The following SIAE variants were observed in gnomAD, a reference collection of about 807,000 sequenced individuals.
The protein encoded by SIAE is sialate O-acetylesterase.
SIAE carries 39 observed loss-of-function variants against 52.6 expected under a neutral mutation model. The observed-to-expected ratio is 0.74, with a 90% CI of 0.57 to 0.97. The LOEUF (loss-of-function observed/expected upper bound fraction) is 0.97, where lower values mean the gene tolerates loss of function less well. SIAE is among the 50% of genes least tolerant of loss of function. The pLI is 0.00. For missense variants in SIAE, 592 were observed against 662.1 expected (o/e 0.89, Z 1.16); for synonymous variants, 233 against 241.4 (o/e 0.97, Z 0.32).
chr11:124,669,881 C>G (rs951408161), intron 1 of SIAE, among the ~76,000 whole-genome samples: 1 of 152,144 alleles, frequency 6.6e-6, no homozygotes, highest in Admixed American at 6.5e-5. Context: ...TCCTTTCATG[C>G]ACCTATAGAT....
chr11:124,653,460 G>A (rs1223690442), intron 4 of SIAE, among the ~76,000 whole-genome samples: 1 of 152,174 alleles, frequency 6.6e-6, no homozygotes, highest in African/African-American at 2.4e-5. Context: ...AGAAGACAGA[G>A]GAGGAGAAGT....
In SIAE at chr11:124,673,684, C is replaced by T. The variant is rs566616753; in HGVS notation, c.25G>A (p.Gly9Arg). 6.2e-7 allele frequency: 1 copy of T among 1,613,632 alleles called. No individual in the cohort carries two copies. Among genetic ancestry groups the T allele is most frequent in the Admixed American group, 1.7e-5 (1 of 60,012 alleles). Residue 9 changes from glycine (G) to arginine (R), a missense_variant, in exon 1 of 10, where the codon GGG (glycine) becomes AGG (arginine). Gly to Arg is a moderately radical substitution (Grantham distance 125, BLOSUM62 -2). Transcript: ENST00000263593. ...CACAGGATTAATGGCAGCACCAGCC[C>T]GAGTACAAGCCCCGGCGCGACCATG... MVAPGLVL[G>R]LVLPLILWAD...
chr11:124,650,413 G>A (rs1943000967), intron 4 of SIAE, among the ~76,000 whole-genome samples: 1 of 152,140 alleles, frequency 6.6e-6, no homozygotes, highest in Admixed American at 6.5e-5. Context: ...AAAGCAAGGA[G>A]GGGGCAACTT....
chr11:124,667,957 C>G (rs1287485646), intron 2 of SIAE, among the ~76,000 whole-genome samples: 1 of 152,202 alleles, frequency 6.6e-6, no homozygotes, highest in South Asian at 2.1e-4. Context: ...AGCCTGCCCA[C>G]CACCTCTATC....
At position 124,670,207 on chromosome 11, in the gene SIAE, G is replaced by C. The variant is rs185397876; in HGVS notation, c.68-686C>G. Reference sequence around the variant, plus strand: ...ACATAAATAAGGTCAGTGAGAGATAGAAGGTCAACATGTCTGAACAAAGGT... The same window carrying C: ...ACATAAATAAGGTCAGTGAGAGATACAAGGTCAACATGTCTGAACAAAGGT... On this transcript the variant is annotated intron_variant, in intron 1 of 9. Transcript: ENST00000263593. This position sits in a 1 kb window ranked among gnomAD's most constrained non-coding sequence, Gnocchi z 4.5. Among the ~76,000 whole-genome samples, 1 of 152,308 alleles carries C rather than the reference G, an allele frequency of 6.6e-6. No individual in the cohort carries two copies. Among genetic ancestry groups the C allele is most frequent in the African/African-American group, 2.4e-5 (1 of 41,564 alleles).
chr11:124,664,739 T>C (rs1046053357), intron 2 of SIAE, among the ~76,000 whole-genome samples: 3 of 152,208 alleles, frequency 2.0e-5, no homozygotes, highest in African/African-American at 7.2e-5. Flanking sequence ...CTTCTTGCCA[T>C]TCATATCAGA....
At chr11:124,667,917 C>T (rs1356999848) in intron 2 of SIAE, among the ~76,000 whole-genome samples, 1 of 152,116 alleles carries the variant, frequency 6.6e-6, no homozygotes, top group African/African-American at 2.4e-5. Context: ...GAGGTCAAAC[C>T]CTCATCATCT....
chr11:124,673,868 T>G, upstream of SIAE: 1 of 579,852 alleles, frequency 1.7e-6, no homozygotes, highest in South Asian at 2.7e-5. Context: ...CCGCCGTAGT[T>G]TTTTTTTTTT....
rs145715586 is a variant in SIAE, at chr11:124,636,890, C to G, written c.*61G>C. ...AAAAGCAATGGTTATTATTGAAACT[C>G]CTAAATGCTAAAATCTGAAGGACCC... On this transcript the variant is annotated 3_prime_UTR_variant, in exon 10 of 10. Coordinates refer to ENST00000263593, the MANE Select transcript of SIAE (RefSeq NM_170601.5). 7.0e-4 allele frequency: 1,125 copies of G among 1,610,734 alleles called. 13 individuals are homozygous for G. The East Asian group carries it at 0.021, about 30-fold the overall frequency.
rs1247388039 is a variant in SIAE at position 124,662,335 on chromosome 11, A to T, written c.230-1532T>A. On this transcript the variant is annotated intron_variant, in intron 2 of 9. Transcript: ENST00000263593. ...CAGGCAGACACTCCAATCTGTCCCA[A>T]CTCCAGGCTTGCCAAGGTCTTTCCA... Among the ~76,000 whole-genome samples, 3 of 152,114 alleles carry T rather than the reference A, an allele frequency of 2.0e-5. No homozygotes were observed. In the East Asian group the frequency reaches 5.8e-4, roughly 29 times the overall value.
chr11:124,643,138 T>C (rs1439483833), intron 7 of SIAE, among the ~76,000 whole-genome samples: 1 of 152,096 alleles, frequency 6.6e-6, no homozygotes, highest in Non-Finnish European at 1.5e-5. Flanking sequence ...TACTCAGCAA[T>C]AGAAAACTAA....
chr11:124,673,706 CATG>C lies in SIAE; in HGVS notation c.-1_2del, dbSNP rs1943411761. On this transcript the variant is annotated start_lost and 5_prime_UTR_variant, in exon 1 of 10. Coordinates refer to ENST00000263593, the MANE Select transcript of SIAE (RefSeq NM_170601.5). ...GCCCGAGTACAAGCCCCGGCGCGAC[CATG>C]CTTGCAAGGATCTGACCGCCGCCTA... The C allele has an allele frequency of 6.2e-7, 1 of 1,613,462 alleles. No individual in the cohort carries two copies. The highest frequency in any genetic ancestry group is 1.1e-5 in the South Asian group (1 of 91,036).
At chr11:124,652,995 T>A (rs1259852835) in intron 4 of SIAE, among the ~76,000 whole-genome samples, 1 of 152,226 alleles carries the variant, frequency 6.6e-6, no homozygotes, top group Non-Finnish European at 1.5e-5. Context: ...CAAGGCATAA[T>A]ACATTATCCA....
chr11:124,663,144 CAA>C (rs964281667), intron 2 of SIAE, among the ~76,000 whole-genome samples: 9 of 133,298 alleles, frequency 6.8e-5, no homozygotes, highest in African/African-American at 2.5e-4. Context: ...AACTCCATCT[CAA>C]AAAAAAAAAA....
Position 124,633,829 on chromosome 11 carries a change from A to G in SIAE, c.*3122T>C, listed in dbSNP as rs1463032371. 2 of 152,238 alleles carry G rather than the reference A, an allele frequency of 1.3e-5. No homozygotes were observed. Among genetic ancestry groups the G allele is most frequent in the Admixed American group, 6.5e-5 (1 of 15,286 alleles). 9.4% of individuals were successfully genotyped at this position (152,238 alleles called of 1,614,324 possible). On this transcript the variant is annotated 3_prime_UTR_variant, in exon 10 of 10. Transcript: ENST00000263593. The stretch of plus-strand genomic sequence containing the variant: ...AAATGATATATGCTGCTTTTATCAT[A>G]TAACAAATATTTTCCCACTATTACA...
In SIAE at chr11:124,636,720, A is replaced by G. The variant is rs1380160031; in HGVS notation, c.*231T>C. 1 of 583,256 alleles carries G rather than the reference A, an allele frequency of 1.7e-6. No individual in the cohort carries two copies. The highest frequency in any genetic ancestry group is 1.9e-5 in the African/African-American group (1 of 53,462). 36.1% of individuals were successfully genotyped at this position (583,256 alleles called of 1,614,324 possible). A position where few individuals can be genotyped will look rare whatever the true frequency, so the allele number is the denominator to read the frequency against. ...GAGGTCCAATTTGTCTGTAGTTCAG[A>G]ATTAGTCCAATACAGACCCTTAGAC... On this transcript the variant is annotated 3_prime_UTR_variant, in exon 10 of 10. Transcript: ENST00000263593.
rs1942675540 is a variant in SIAE at position 124,634,373 on chromosome 11, A to G, written c.*2578T>C. 6.6e-6 allele frequency: 1 copy of G among 152,192 alleles called. No homozygotes were observed. Among genetic ancestry groups the G allele is most frequent in the Non-Finnish European group, 1.5e-5 (1 of 68,044 alleles). The allele number at this position is 152,192 out of a possible 1,614,324, so 9.4% of individuals were successfully genotyped here. ...AAAACACCTTGAAAAACACTGCCTT[A>G]GTATACTTAAACTATCTTTTCATCT... On this transcript the variant is annotated 3_prime_UTR_variant, in exon 10 of 10. Coordinates refer to ENST00000263593, the MANE Select transcript of SIAE (RefSeq NM_170601.5).
chr11:124,637,596 C>A (rs1276638228), intron 9 of SIAE, among the ~76,000 whole-genome samples: 1 of 152,120 alleles, frequency 6.6e-6, no homozygotes, highest in Non-Finnish European at 1.5e-5. Context: ...ACTCCCAGAG[C>A]CACTGCAGAA....
At chr11:124,672,824 G>A (rs977771724) in intron 1 of SIAE, among the ~76,000 whole-genome samples, 1 of 152,092 alleles carries the variant, frequency 6.6e-6, no homozygotes, top group Non-Finnish European at 1.5e-5. Context: ...TTTTCTGCAC[G>A]CTGTTCTCCT....
Sources: gnomAD v4.1 joint callset for allele counts (sites outside exome capture counted in the v4.1 genomes callset) on GRCh38, gnomAD v4.1.1 for gene constraint, Gnocchi (gnomAD v3.1) non-coding constraint, MANE v1.5 for transcripts, NCBI Gene and HGNC (gene_info 2026-07-23, HGNC 2026-07-21) for gene names.